Variants in UBQLN1 observed in about 807,000 individuals in gnomAD.
UBQLN1 encodes ubiquilin-1.
In UBQLN1, 13 loss-of-function variants were observed where a neutral mutation model predicts 65.4. The ratio of observed to expected loss-of-function variants is 0.20; its 90% CI spans 0.13 to 0.32. The LOEUF is 0.32. Among genes scored for constraint, UBQLN1 ranks in the 10% least tolerant of loss-of-function variants. UBQLN1 has a pLI of 1.00. For synonymous variants in UBQLN1, 267 were observed against 247.8 expected, an observed-to-expected ratio of 1.08 and a Z score of -0.73; for missense variants, 561 against 724.0, an observed-to-expected ratio of 0.77 and a Z score of 2.58.
At chr9:83,680,151 G>A in intron 3 of UBQLN1, 114 bp from the exon 4 acceptor site, 1 of 1,159,340 alleles carries the variant, frequency 8.6e-7, no homozygotes. Context: ...TCTATTACAA[G>A]AAATCATTTA....
intron 1 of UBQLN1, among the ~76,000 whole-genome samples, chr9:83,693,939 C>T (rs562404562): frequency 4.4e-4 from 67 of 152,258 alleles, no homozygotes; most frequent in Non-Finnish European, 8.7e-4. Flanking sequence ...AAGAGACATA[C>T]GGAAATTTCC....
At chr9:83,667,553 C>T in intron 7 of UBQLN1, 2 of 985,424 alleles carry the variant, frequency 2.0e-6, no homozygotes, top group Non-Finnish European at 2.4e-6. Context: ...AGTAAGTTCA[C>T]AGTAAGTAAA....
At chr9:83,702,437 A>G (rs574746770) in intron 1 of UBQLN1, among the ~76,000 whole-genome samples, 2 of 152,238 alleles carry the variant, frequency 1.3e-5, no homozygotes, top group Admixed American at 6.5e-5. Flanking sequence ...TTTTTCTCAG[A>G]TATCTTGCTA....
chr9:83,691,843 A>G (rs1384440532), intron 1 of UBQLN1, among the ~76,000 whole-genome samples: 4 of 152,262 alleles, frequency 2.6e-5, no homozygotes, highest in African/African-American at 9.6e-5. Flanking sequence ...ATGGCACTTC[A>G]TGCTAAAAGT....
At chr9:83,707,388 G>A in intron 1 of UBQLN1, 112 bp downstream of exon 1, 2 of 1,200,580 alleles carry the variant, frequency 1.7e-6, no homozygotes, top group Non-Finnish European at 2.3e-6. Context: ...CGACGCCCGG[G>A]AGAATGGCCG....
In UBQLN1 at chr9:83,706,884, T is replaced by C. The variant is rs565412216; in HGVS notation, c.180+616A>G. Among the ~76,000 whole-genome samples, 32 of 152,218 alleles carry C rather than the reference T, an allele frequency of 2.1e-4. No individual in the cohort carries two copies. The East Asian group carries it at 5.4e-3, about 26-fold the overall frequency. ...TCAGTGAAAGAAAGTCATTCACTTT[T>C]CTCCTTAAACCTAGTACTATCACTA... On this transcript the variant is annotated intron_variant, in intron 1 of 10. Coordinates refer to ENST00000376395, the MANE Select transcript of UBQLN1 (RefSeq NM_013438.5).
Position 83,677,922 on chromosome 9 carries a change from A to G in UBQLN1, c.910T>C (p.Ser304Pro), listed in dbSNP as rs1587646549. The G allele has an allele frequency of 6.2e-7, 1 of 1,613,946 alleles. No individual in the cohort carries two copies. The highest frequency in any genetic ancestry group is 2.2e-5 in the East Asian group (1 of 44,890). The change falls in exon 6 of 11, where the codon TCC becomes CCC. Residue 304 changes from serine to proline, a missense_variant. By Grantham distance (74) the Ser-to-Pro change is moderately conservative. Around this residue, in one of 8 missense-constraint regions of UBQLN1, gnomAD observed 89 missense variants for 77.8 expected, o/e 1.14. Transcript: ENST00000376395. ...NPFASLVSNT[S>P]SGEGSQPSRT... is the part of the protein sequence containing the mutation. ...GAAGGTTGACTACCTTCACCAGAGG[A>G]TGTATTGCTCACCAAGGAAGCAAAT...
chr9:83,679,694 G>T (rs897677986), intron 4 of UBQLN1, 81 bp downstream of exon 4: 13 of 1,461,132 alleles, frequency 8.9e-6, no homozygotes, highest in Non-Finnish European at 1.2e-5. Context: ...ATACATACAG[G>T]ACAATCTCAT....
intron 9 of UBQLN1, among the ~76,000 whole-genome samples, chr9:83,664,501 C>T (rs1038078787): frequency 6.6e-6 from 1 of 152,058 alleles, no homozygotes; most frequent in African/African-American, 2.4e-5. Flanking sequence ...CACTGTGTCC[C>T]AACTACTGGG....
chr9:83,668,707 TGAAA>T (rs1831682537), intron 7 of UBQLN1: 1 of 879,814 alleles, frequency 1.1e-6, no homozygotes, highest in Admixed American at 6.2e-5. Context: ...AATCAATAGT[TGAAA>T]GAAGGAGAAC....
At chr9:83,692,706 T>C (rs1285181310) in intron 1 of UBQLN1, among the ~76,000 whole-genome samples, 2 of 151,884 alleles carry the variant, frequency 1.3e-5, no homozygotes, top group African/African-American at 2.4e-5. Context: ...TACAAAATTA[T>C]CCAGGCATGG....
chr9:83,694,552 ACT>A (rs1285247209), intron 1 of UBQLN1, among the ~76,000 whole-genome samples: 4 of 152,074 alleles, frequency 2.6e-5, no homozygotes, highest in Admixed American at 6.6e-5. Flanking sequence ...AGAAAGGGGC[ACT>A]CTCTCATAAA....
rs767002643 is a variant in UBQLN1 at position 83,663,865 on chromosome 9, G to A, written c.1617+10C>T. The A allele has an allele frequency of 1.2e-4, 196 of 1,608,504 alleles. No individual in the cohort carries two copies. The highest frequency in any genetic ancestry group is 1.5e-4 in the Non-Finnish European group (182 of 1,178,374). On this transcript the variant is annotated intron_variant, in intron 10 of 10. Coordinates refer to ENST00000376395, the MANE Select transcript of UBQLN1 (RefSeq NM_013438.5). ...AGGAATACAAAACTTGAATGGAAAAGAACTGATACCTGAGGATTTACTCCA... is the reference window on the plus strand; with the variant it reads ...AGGAATACAAAACTTGAATGGAAAAAAACTGATACCTGAGGATTTACTCCA...
At chr9:83,671,570 T>C (rs1462067620) in intron 6 of UBQLN1, among the ~76,000 whole-genome samples, 1 of 152,240 alleles carries the variant, frequency 6.6e-6, no homozygotes, top group African/African-American at 2.4e-5. Context: ...AGCACTAATA[T>C]TTTGAAAGGA....
intron 6 of UBQLN1, among the ~76,000 whole-genome samples, chr9:83,670,485 G>A (rs530839847): frequency 1.7e-4 from 26 of 151,774 alleles, no homozygotes; most frequent in Non-Finnish European, 3.7e-4. Context: ...GTTTCCCAGC[G>A]CATACAAAAG....
At chr9:83,678,367 A>C in intron 5 of UBQLN1, 74 bp downstream of exon 5, 1 of 1,488,920 alleles carries the variant, frequency 6.7e-7, no homozygotes, top group Non-Finnish European at 9.0e-7. Flanking sequence ...TATAAAAGCT[A>C]CCCTCAATCA....
At chr9:83,704,824 C>CCA (rs1554730686) in intron 1 of UBQLN1, among the ~76,000 whole-genome samples, 1 of 69,544 alleles carries the variant, frequency 1.4e-5, no homozygotes, top group Non-Finnish European at 2.7e-5. Flanking sequence ...GACTCCATCT[C>CCA]AAAAAAAAAA....
intron 9 of UBQLN1, 103 bp from the exon 10 acceptor site, chr9:83,664,146 T>G (rs1214308037): frequency 7.5e-7 from 1 of 1,339,972 alleles, no homozygotes; most frequent in Non-Finnish European, 1.0e-6. Flanking sequence ...CTTCTTAAAA[T>G]AAGCCCTTTT....
chr9:83,683,276 A>G (rs1057107355), intron 2 of UBQLN1, among the ~76,000 whole-genome samples: 11 of 151,978 alleles, frequency 7.2e-5, no homozygotes, highest in Non-Finnish European at 1.2e-4. Context: ...GCCGGGCGTG[A>G]TGGCGAGTGC....
Sources: allele counts gnomAD v4.1 joint callset (sites outside exome capture counted in the v4.1 genomes callset), GRCh38; gene constraint gnomAD v4.1.1; regional missense constraint gnomAD v4.1.1; transcripts MANE v1.5; gene names NCBI Gene and HGNC (gene_info 2026-07-23, HGNC 2026-07-21).